The following OAS2 variants were observed in gnomAD, a reference collection of about 807,000 sequenced individuals.
OAS2 encodes 2'-5'-oligoadenylate synthase 2.
In OAS2, 67 loss-of-function variants were observed where a neutral mutation model predicts 71.3. The observed-to-expected ratio is 0.94, with a 90% CI of 0.77 to 1.15. The LOEUF is 1.15. Ranked by LOEUF, OAS2 falls within the 50% of genes most tolerant of loss-of-function variation. The probability of loss-of-function intolerance (pLI) is 0.00; values close to 1 mark genes in which losing one functional copy is unlikely to be tolerated. For synonymous variants in OAS2, 327 were observed against 321.8 expected (o/e 1.02, Z -0.17); for missense variants, 789 against 822.5 (o/e 0.96, Z 0.50).
At chr12:112,997,379 G>A (rs1565994289) in intron 3 of OAS2, 141 bp from the exon 4 acceptor site, 1 of 635,562 alleles carries the variant, frequency 1.6e-6, no homozygotes, top group Non-Finnish European at 2.7e-6. Context: ...GTCAAGACTT[G>A]GTATTGTCAG....
At chr12:112,979,962 TA>T (rs1220176803) in intron 1 of OAS2, among the ~76,000 whole-genome samples, 1 of 152,240 alleles carries the variant, frequency 6.6e-6, no homozygotes, top group African/African-American at 2.4e-5. Flanking sequence ...GGGTGAACCC[TA>T]CATAAATGGC....
rs2044051809 is a variant in OAS2, at chr12:112,978,751, C to T, written c.143C>T (p.Pro48Leu). The change falls in exon 1 of 10, where the codon CCC (proline) becomes CTC (leucine). Residue 48 changes from proline (P) to leucine (L), a missense_variant. Pro to Leu is a moderately conservative substitution (Grantham distance 98, BLOSUM62 -3). Coordinates refer to ENST00000392583, the MANE Select transcript of OAS2 (RefSeq NM_002535.3). The surrounding 1 kb of genome is among the most constrained non-coding windows in gnomAD (Gnocchi z 4.2). ...VNTICDVLQE[P>L]EQFPLVQGVA... ...ACCATCTGTGACGTCCTGCAGGAACCCGAACAGTTCCCCCTGGTGCAGGGA... is the reference window on the plus strand; with the variant it reads ...ACCATCTGTGACGTCCTGCAGGAACTCGAACAGTTCCCCCTGGTGCAGGGA... The T allele has an allele frequency of 1.2e-6, 2 of 1,613,856 alleles. No homozygotes were observed. Among genetic ancestry groups the T allele is most frequent in the African/African-American group, 1.3e-5 (1 of 74,910 alleles).
chr12:113,002,446 G>T (rs1006276075), intron 5 of OAS2, among the ~76,000 whole-genome samples: 17 of 152,186 alleles, frequency 1.1e-4, no homozygotes, highest in African/African-American at 4.1e-4. Context: ...GCAGCCTTTG[G>T]AAACCAACAC....
rs761358479 is a variant in OAS2 at position 112,986,997 on chromosome 12, C to T, written c.178-41C>T. ...TGCCTGCTAGAGATCCCTGTAACCC[C>T]AGAATCTAGTGTCTCATATCTGCTT... On this transcript the variant is annotated intron_variant, in intron 1 of 9. Coordinates refer to ENST00000392583, the MANE Select transcript of OAS2 (RefSeq NM_002535.3). The T allele has an allele frequency of 7.7e-6, 12 of 1,565,338 alleles. No individual in the cohort carries two copies. The Middle Eastern group carries it at 5.1e-4, about 67-fold the overall frequency.
Position 112,997,690 on chromosome 12 carries a change from G to T in OAS2, c.798G>T (p.Met266Ile). ...AGGAGAAGCTGTGTATCTATTGGAT[G>T]GTCAACTACAACTTTGAAGATGAGA... Reference protein sequence around the residue: ...KCQEKLCIYWMVNYNFEDETI... With the variant: ...KCQEKLCIYWIVNYNFEDETI... The change falls in exon 4 of 10, where the codon ATG (methionine) becomes ATT (isoleucine). Residue 266 changes from methionine (M) to isoleucine (I), a missense_variant. Met to Ile is a conservative substitution (Grantham distance 10). Coordinates refer to ENST00000392583, the MANE Select transcript of OAS2 (RefSeq NM_002535.3). 6.2e-7 allele frequency: 1 copy of T among 1,613,488 alleles called. No homozygotes were observed. Among genetic ancestry groups the T allele is most frequent in the South Asian group, 1.1e-5 (1 of 90,956 alleles).
Position 112,997,503 on chromosome 12 carries a change from C to T in OAS2, c.628-17C>T. 1 of 1,607,388 alleles carries T rather than the reference C, an allele frequency of 6.2e-7. No homozygotes were observed. The highest frequency in any genetic ancestry group is 8.5e-7 in the Non-Finnish European group (1 of 1,174,760). On this transcript the variant is annotated splice_polypyrimidine_tract_variant and intron_variant, in intron 3 of 9. Coordinates refer to ENST00000392583, the MANE Select transcript of OAS2 (RefSeq NM_002535.3). ...CTAGATCCCCCAATGAGCTGCTACCCTTTCCTTATCCCACAGTGCCAGAAA... is the reference window on the plus strand; with the variant it reads ...CTAGATCCCCCAATGAGCTGCTACCTTTTCCTTATCCCACAGTGCCAGAAA...
At chr12:113,000,596 T>A (rs573301440) in intron 5 of OAS2, among the ~76,000 whole-genome samples, 1 of 144,498 alleles carries the variant, frequency 6.9e-6, no homozygotes. Flanking sequence ...CATACATGCA[T>A]ACACACATGC....
At chr12:112,985,552 A>C (rs1282648192) in intron 1 of OAS2, among the ~76,000 whole-genome samples, 1 of 152,182 alleles carries the variant, frequency 6.6e-6, no homozygotes, top group African/African-American at 2.4e-5. Context: ...TCAGAGCATA[A>C]ATTATTTTCC....
At position 112,987,183 on chromosome 12, in the gene OAS2, G is replaced by C. The variant is rs201343330; in HGVS notation, c.323G>C (p.Cys108Ser). 1 of 1,614,182 alleles carries C rather than the reference G, an allele frequency of 6.2e-7. No individual in the cohort carries two copies. Among genetic ancestry groups the C allele is most frequent in the East Asian group, 2.2e-5 (1 of 44,876 alleles). Residue 108 changes from cysteine to serine, a missense_variant, in exon 2 of 10, where the codon TGT becomes TCT. Physicochemically the swap from Cys to Ser is moderately radical, Grantham distance 112. Transcript: ENST00000392583. ...AAAACTGGGGATAAGCTGAAGTTCT[G>C]TCTGTTCACGAAGTGGTTGAAAAAC... ...LDKTGDKLKF[C>S]LFTKWLKNNF...
rs2044156623 is a variant in OAS2, at chr12:112,988,036, G to A, written c.448+728G>A. The A allele has an allele frequency of 1.3e-5, 13 of 985,372 alleles. No individual in the cohort carries two copies. In the South Asian group the frequency reaches 6.1e-4, roughly 46 times the overall value. 61.0% of individuals were successfully genotyped at this position (985,372 alleles called of 1,614,324 possible). A position where few individuals can be genotyped will look rare whatever the true frequency, so the allele number is the denominator to read the frequency against. On this transcript the variant is annotated intron_variant, in intron 2 of 9. Transcript: ENST00000392583. ...CTAGGCACTCAAAAGGAACCTACAG[G>A]CTTAATACTTGGGTCTGAAAATAGC... is the stretch of plus-strand genomic sequence containing the variant.
chr12:113,005,918 C>CAAAAAAAAAAAAAAAAAAAAAA (rs138299398), intron 7 of OAS2, among the ~76,000 whole-genome samples: 3 of 49,044 alleles, frequency 6.1e-5, no homozygotes, highest in Non-Finnish European at 1.0e-4. Context: ...ACAACAACAA[C>CAAAAAAAAAAAAAAAAAAAAAA]AAAAAAAAAA....
chr12:112,997,124 A>G lies in OAS2; in HGVS notation c.628-396A>G, dbSNP rs140059299. Among the ~76,000 whole-genome samples the G allele has an allele frequency of 2.0e-4, 31 of 152,116 alleles. 1 individual carries two copies. The highest frequency in any genetic ancestry group is 7.2e-4 in the African/African-American group (30 of 41,502). On this transcript the variant is annotated intron_variant, in intron 3 of 9. Transcript: ENST00000392583. ...TCCTTGGCTACTGTTTTAAGTGACT[A>G]TTACCTTCTTTTTTGTTGTTTTTGT... is the stretch of plus-strand genomic sequence containing the variant.
In OAS2 at chr12:112,978,648, C is replaced by T; in HGVS notation, c.40C>T (p.Gln14Ter). ...GESQLSSVPA[Q>*]KLGWFIQEYL... ...GTCCCAGCTGTCCTCGGTGCCTGCT[C>T]AGAAGCTGGGTTGGTTTATCCAGGA... is the stretch of plus-strand genomic sequence containing the variant. Residue 14 changes from glutamine (Q) to a stop codon, truncating the protein, a stop_gained, in exon 1 of 10, where the codon CAG becomes TAG. Coordinates refer to ENST00000392583, the MANE Select transcript of OAS2 (RefSeq NM_002535.3). LOFTEE classifies it high-confidence loss of function. The surrounding 1 kb of genome is among the most constrained non-coding windows in gnomAD (Gnocchi z 4.2). 2 of 1,614,142 alleles carry T rather than the reference C, an allele frequency of 1.2e-6. No homozygotes were observed. The highest frequency in any genetic ancestry group is 2.2e-5 in the East Asian group (1 of 44,872).
In OAS2 at chr12:113,007,797, G is replaced by C; in HGVS notation, c.1749G>C (p.Val583=). 6.2e-7 allele frequency: 1 copy of C among 1,614,180 alleles called. No homozygotes were observed. Among genetic ancestry groups the C allele is most frequent in the South Asian group, 1.1e-5 (1 of 91,080 alleles). The change falls in exon 9 of 10, where the codon GTG becomes GTC. Residue 583 remains valine (V), a synonymous_variant. Transcript: ENST00000392583. Reference sequence around the variant, plus strand: ...ATGCCTGGGAGCAGGGGAGTGGAGTGCCGGATTTTGACACTGCAGAAGGTT... The same window carrying C: ...ATGCCTGGGAGCAGGGGAGTGGAGTCCCGGATTTTGACACTGCAGAAGGTT... ...TIYAWEQGSG[V]PDFDTAEGFR...
chr12:112,996,901 C>G (rs968999282), intron 3 of OAS2, among the ~76,000 whole-genome samples: 7 of 152,082 alleles, frequency 4.6e-5, no homozygotes, highest in Non-Finnish European at 1.0e-4. Flanking sequence ...TAGGTGTGAC[C>G]TCCTCCAAAA....
chr12:112,999,905 T>A (rs1469160882), intron 5 of OAS2, among the ~76,000 whole-genome samples: 1 of 152,208 alleles, frequency 6.6e-6, no homozygotes, highest in Non-Finnish European at 1.5e-5. Context: ...TTGTTACAGT[T>A]GTTTTTAATC....
At chr12:112,984,245 A>G (rs967865157) in intron 1 of OAS2, among the ~76,000 whole-genome samples, 3 of 152,212 alleles carry the variant, frequency 2.0e-5, no homozygotes, top group East Asian at 3.8e-4. Context: ...ACATATACAT[A>G]TATATGTCTA....
rs34160651 is a variant in OAS2, at chr12:113,011,092, CT to C, written c.*1842del. ...AGTATCCTCTTGCCAAATCAAAAGA[CT>C]TTTTCCTTGGGCTTTAGCCTTAAAG... On this transcript the variant is annotated 3_prime_UTR_variant, in exon 10 of 10. Transcript: ENST00000392583. 30,093 of 152,164 alleles carry C rather than the reference CT, an allele frequency of 0.2. 3,545 individuals are homozygous for C. Among genetic ancestry groups the C allele is most frequent in the East Asian group, 0.45 (2,331 of 5,150 alleles). 9.4% of individuals were successfully genotyped at this position (152,164 alleles called of 1,614,324 possible). A position where few individuals can be genotyped will look rare whatever the true frequency, so the allele number is the denominator to read the frequency against.
intron 6 of OAS2, among the ~76,000 whole-genome samples, chr12:113,003,576 C>T (rs2044307636): frequency 6.6e-6 from 1 of 152,162 alleles, no homozygotes; most frequent in Non-Finnish European, 1.5e-5. Context: ...TTTTAGGGGT[C>T]CACCATTGAA....
Sources: gnomAD v4.1 joint callset for allele counts (sites outside exome capture counted in the v4.1 genomes callset) on GRCh38, gnomAD v4.1.1 for gene constraint, Gnocchi (gnomAD v3.1) non-coding constraint, MANE v1.5 for transcripts, NCBI Gene and HGNC (gene_info 2026-07-23, HGNC 2026-07-21) for gene names.